The following SP100 variants were observed in gnomAD, a reference collection of about 807,000 sequenced individuals.
The protein encoded by SP100 is nuclear autoantigen Sp-100.
In SP100, 84 loss-of-function variants were observed where a neutral mutation model predicts 130.0. That is an observed-to-expected ratio of 0.65 (90% confidence interval 0.54 to 0.77). SP100 has a LOEUF of 0.77. SP100 is among the 30% of genes least tolerant of loss of function. The pLI, the probability that SP100 is intolerant of heterozygous loss-of-function variation, is 0.00. For synonymous variants in SP100, 331 were observed against 351.7 expected (o/e 0.94, Z 0.66); for missense variants, 978 against 1,052.2 (o/e 0.93, Z 0.97).
chr2:230,519,760 C>T (rs1575797363), intron 24 of SP100, among the ~76,000 whole-genome samples: 1 of 152,138 alleles, frequency 6.6e-6, no homozygotes, highest in Admixed American at 6.5e-5. Context: ...AGAAGTAAGT[C>T]AGTTTGTCTG....
At chr2:230,481,854 T>C (rs1190250009) in intron 17 of SP100, among the ~76,000 whole-genome samples, 1 of 152,238 alleles carries the variant, frequency 6.6e-6, no homozygotes, top group African/African-American at 2.4e-5. Context: ...TTGCACTTCG[T>C]GTTGACTCTA....
intron 23 of SP100, chr2:230,509,518 G>A (rs1404659480): frequency 6.6e-6 from 1 of 152,196 alleles, no homozygotes; most frequent in African/African-American, 2.4e-5. Context: ...ATGCAGTCTG[G>A]GCTAATCAAT....
chr2:230,485,105 TTTTATTTTATTTTATTA>T (rs1348499424), intron 17 of SP100, among the ~76,000 whole-genome samples: 3 of 151,284 alleles, frequency 2.0e-5, no homozygotes, highest in African/African-American at 4.9e-5. Context: ...TTTTATTTTA[TTTTATTTTATTTTATTA>T]TTTATTTTAT....
At chr2:230,491,557 A>T (rs1463989091) in intron 17 of SP100, among the ~76,000 whole-genome samples, 1 of 152,218 alleles carries the variant, frequency 6.6e-6, no homozygotes, top group South Asian at 2.1e-4. Context: ...ATAGAGATGG[A>T]TGCCACCCTT....
chr2:230,484,697 G>A (rs1266033798), intron 17 of SP100, among the ~76,000 whole-genome samples: 2 of 151,930 alleles, frequency 1.3e-5, no homozygotes, highest in Admixed American at 1.3e-4. Context: ...CTTTTAACTG[G>A]TTTTTACTCC....
At chr2:230,490,948 G>A (rs531182369) in intron 17 of SP100, among the ~76,000 whole-genome samples, 1 of 152,192 alleles carries the variant, frequency 6.6e-6, no homozygotes, top group African/African-American at 2.4e-5. Flanking sequence ...ATGATTATGT[G>A]TCTTGGGATT....
chr2:230,431,367 G>A (rs928275609), intron 2 of SP100, among the ~76,000 whole-genome samples: 1 of 152,218 alleles, frequency 6.6e-6, no homozygotes, highest in African/African-American at 2.4e-5. Context: ...TTAGGCTCAG[G>A]GAAAACCTCT....
intron 24 of SP100, among the ~76,000 whole-genome samples, chr2:230,520,114 A>G (rs563756178): frequency 9.2e-5 from 14 of 152,282 alleles, no homozygotes; most frequent in African/African-American, 3.4e-4. Context: ...TTCCAGAGTC[A>G]CCTCCAAAGA....
chr2:230,483,803 G>A (rs1441136981), intron 17 of SP100, among the ~76,000 whole-genome samples: 2 of 152,134 alleles, frequency 1.3e-5, no homozygotes, highest in Non-Finnish European at 2.9e-5. Flanking sequence ...AAGTCACCAT[G>A]AACATAGACT....
At chr2:230,474,020 A>G (rs1014807320) in intron 16 of SP100, among the ~76,000 whole-genome samples, 4 of 152,256 alleles carry the variant, frequency 2.6e-5, no homozygotes, top group Non-Finnish European at 5.9e-5. Flanking sequence ...CTCTTATGCT[A>G]AAAATACATT....
chr2:230,440,668 GT>G (rs1418940127), intron 2 of SP100: 2 of 1,031,824 alleles, frequency 1.9e-6, no homozygotes, highest in Non-Finnish European at 2.5e-6. Flanking sequence ...AAGTCCTAAA[GT>G]TTTTTCTTGA....
intron 4 of SP100, 143 bp from the exon 5 acceptor site, chr2:230,446,676 G>A (rs2063724709): frequency 1.7e-6 from 1 of 583,898 alleles, no homozygotes; most frequent in East Asian, 3.0e-5. Flanking sequence ...TGTCCCAGGG[G>A]ATGACGGGAG....
At chr2:230,482,126 G>A (rs528455473) in intron 17 of SP100, among the ~76,000 whole-genome samples, 5 of 151,904 alleles carry the variant, frequency 3.3e-5, no homozygotes, top group East Asian at 1.9e-4. Flanking sequence ...TTTGATGTAC[G>A]GAATATTTTA....
intron 24 of SP100, among the ~76,000 whole-genome samples, chr2:230,529,840 G>A (rs897349118): frequency 6.6e-6 from 1 of 152,102 alleles, no homozygotes; most frequent in Non-Finnish European, 1.5e-5. Context: ...TTACTACAAA[G>A]AGAATAAAAT....
chr2:230,507,093 A>G (rs1398632343), intron 22 of SP100: 3 of 152,150 alleles, frequency 2.0e-5, no homozygotes, highest in African/African-American at 7.2e-5. Flanking sequence ...CAATTAAAAA[A>G]AAAATCTGCC....
chr2:230,497,312 A>G (rs2066723325), intron 18 of SP100, among the ~76,000 whole-genome samples: 1 of 152,078 alleles, frequency 6.6e-6, no homozygotes, highest in African/African-American at 2.4e-5. Context: ...ACAGAAAAAG[A>G]GTCTTTGTTT....
chr2:230,540,731 G>T, intron 25 of SP100, 145 bp from the exon 26 acceptor site: 1 of 943,014 alleles, frequency 1.1e-6, no homozygotes, highest in Middle Eastern at 3.5e-4. Flanking sequence ...GTCCAAATGG[G>T]GCTCTAGTGC....
chr2:230,512,618 C>G (rs1185316682), intron 24 of SP100, among the ~76,000 whole-genome samples: 1 of 152,050 alleles, frequency 6.6e-6, no homozygotes, highest in Non-Finnish European at 1.5e-5. Flanking sequence ...GCAGAGGTCC[C>G]CAAACTTTTT....
At chr2:230,495,598 G>A (rs1224354098) in intron 18 of SP100, among the ~76,000 whole-genome samples, 11 of 152,302 alleles carry the variant, frequency 7.2e-5, no homozygotes, top group Admixed American at 7.2e-4. Flanking sequence ...GGGATTACAG[G>A]CAGTGAACCA....
Sources: allele counts gnomAD v4.1 joint callset (sites outside exome capture counted in the v4.1 genomes callset), GRCh38; gene constraint gnomAD v4.1.1; transcripts MANE v1.5; gene names NCBI Gene and HGNC (gene_info 2026-07-23, HGNC 2026-07-21).